MYZAP: variants seen among roughly 807,000 people sequenced by gnomAD.
MYZAP encodes the protein myocardial zonula adherens protein, also known as GRINL1A complex locus upstream.
In MYZAP, 66 loss-of-function variants were observed where a neutral mutation model predicts 69.4. The observed-to-expected ratio is 0.95, with a 90% CI of 0.78 to 1.17. The LOEUF is 1.17. Among genes scored for constraint, MYZAP ranks in the 50% most tolerant of loss-of-function variants. The probability of loss-of-function intolerance (pLI) is 0.00; values close to 1 mark genes in which losing one functional copy is unlikely to be tolerated. For missense variants in MYZAP, 611 were observed against 556.2 expected, an observed-to-expected ratio of 1.10 and a Z score of -0.99; for synonymous variants, 256 against 205.9, an observed-to-expected ratio of 1.24 and a Z score of -2.09.
intron 11 of MYZAP, among the ~76,000 whole-genome samples, chr15:57,668,887 TATA>T (rs1320901348): frequency 0.017 from 2,185 of 129,808 alleles, 62 homozygotes; most frequent in African/African-American, 0.069. Context: ...TATATATATA[TATA>T]TATATTTTTT....
intron 11 of MYZAP, among the ~76,000 whole-genome samples, chr15:57,663,652 A>C (rs1414497541): frequency 2.0e-5 from 3 of 152,152 alleles, no homozygotes; most frequent in Non-Finnish European, 4.4e-5. Flanking sequence ...GGGTTGTGGC[A>C]GTTCTAGCCT....
At chr15:57,684,141 C>G (rs1204912708) in intron 12 of MYZAP, among the ~76,000 whole-genome samples, 1 of 152,084 alleles carries the variant, frequency 6.6e-6, no homozygotes, top group Non-Finnish European at 1.5e-5. Context: ...AGGGCTCCAC[C>G]CTCATGACCT....
chr15:57,652,399 G>A (rs1159843009), intron 10 of MYZAP, among the ~76,000 whole-genome samples: 2 of 152,042 alleles, frequency 1.3e-5, no homozygotes, highest in African/African-American at 4.8e-5. Context: ...AATAGGCTGA[G>A]CTTTTTTCTT....
At chr15:57,670,982 C>A (rs2038840599) in intron 11 of MYZAP, among the ~76,000 whole-genome samples, 1 of 151,964 alleles carries the variant, frequency 6.6e-6, no homozygotes. Flanking sequence ...TTTGCTTTAA[C>A]AATCATATGT....
chr15:57,639,506 G>A lies in MYZAP; in HGVS notation c.1080G>A (p.Val360=), dbSNP rs140924688. Residue 360 remains valine (V), a synonymous_variant, in exon 10 of 13, where the codon GTG becomes GTA. Transcript: ENST00000267853. ...GGATCAGACACCTAGATGACATGGT[G>A]CATTGCCAGCAGAAGAAAGTCAAGC... ...RERIRHLDDM[V]HCQQKKVKQM... 1,793 of 1,614,062 alleles carry A rather than the reference G, an allele frequency of 1.1e-3. 3 individuals carry two copies. The highest frequency in any genetic ancestry group is 4.0e-3 in the Middle Eastern group (24 of 6,056).
chr15:57,610,368 G>A (rs2035026077), intron 2 of MYZAP, among the ~76,000 whole-genome samples: 1 of 152,180 alleles, frequency 6.6e-6, no homozygotes, highest in South Asian at 2.1e-4. Flanking sequence ...CTCGTCCTTG[G>A]CGTGACTGTT....
chr15:57,611,423 G>C (rs1243182187), intron 2 of MYZAP, among the ~76,000 whole-genome samples: 1 of 152,156 alleles, frequency 6.6e-6, no homozygotes, highest in Non-Finnish European at 1.5e-5. Flanking sequence ...CAGAAAAGCA[G>C]TTCCTGATTT....
intron 2 of MYZAP, among the ~76,000 whole-genome samples, chr15:57,615,100 G>A (rs2140370035): frequency 6.6e-6 from 1 of 152,212 alleles, no homozygotes; most frequent in East Asian, 1.9e-4. Flanking sequence ...CTTCCTGGGG[G>A]CGTTTTATTT....
At chr15:57,611,884 C>T (rs1457204055) in intron 2 of MYZAP, among the ~76,000 whole-genome samples, 1 of 152,124 alleles carries the variant, frequency 6.6e-6, no homozygotes, top group Non-Finnish European at 1.5e-5. Flanking sequence ...GGACTACAGG[C>T]ATACACCACT....
chr15:57,682,237 A>G (rs946712733), intron 12 of MYZAP, among the ~76,000 whole-genome samples: 1 of 152,050 alleles, frequency 6.6e-6, no homozygotes, highest in Admixed American at 6.5e-5. Context: ...AAAAGGGAAG[A>G]GAGAGAGAGA....
intron 2 of MYZAP, among the ~76,000 whole-genome samples, chr15:57,610,580 A>C (rs1236657757): frequency 6.6e-6 from 1 of 152,212 alleles, no homozygotes; most frequent in Non-Finnish European, 1.5e-5. Flanking sequence ...TGGGCCAGTC[A>C]GGTCATCTCT....
chr15:57,650,641 A>G (rs544220325), intron 10 of MYZAP, among the ~76,000 whole-genome samples: 12 of 152,308 alleles, frequency 7.9e-5, no homozygotes, highest in African/African-American at 2.9e-4. Flanking sequence ...CTCAAGTGGT[A>G]GTTATGAGGA....
chr15:57,636,952 C>G (rs1444574033), intron 8 of MYZAP, among the ~76,000 whole-genome samples: 2 of 152,148 alleles, frequency 1.3e-5, no homozygotes, highest in Non-Finnish European at 2.9e-5. Context: ...TTTGGAAGCT[C>G]TAGAAGGGAA....
At chr15:57,621,774 CTAAAGATAT>C in intron 4 of MYZAP, 74 bp downstream of exon 4, 1 of 1,400,308 alleles carries the variant, frequency 7.1e-7, no homozygotes, top group Non-Finnish European at 1.0e-6. Context: ...TGGCTAGTGC[CTAAAGATAT>C]TAGAGTATCT....
At chr15:57,655,682 T>C (rs1161395564) in intron 10 of MYZAP, among the ~76,000 whole-genome samples, 1 of 152,188 alleles carries the variant, frequency 6.6e-6, no homozygotes, top group Non-Finnish European at 1.5e-5. Context: ...TGGCCTGTAT[T>C]CTAAGAGACT....
chr15:57,592,076 C>T lies in MYZAP; in HGVS notation c.42C>T (p.Gly14=). Residue 14 remains glycine (G), a synonymous_variant, in exon 1 of 13, where the codon GGC becomes GGT. Coordinates refer to ENST00000267853, the MANE Select transcript of MYZAP (RefSeq NM_001018100.5). Reference sequence around the variant, plus strand: ...CCACGGTCACCCTGCTCTCGGGCGGCGCCGCCAGGACGCCCGGGGCGCCCA... The same window carrying T: ...CCACGGTCACCCTGCTCTCGGGCGGTGCCGCCAGGACGCCCGGGGCGCCCA... ...STSTVTLLSG[G]AARTPGAPSR... The T allele has an allele frequency of 7.2e-7, 1 of 1,385,116 alleles. No homozygotes were observed. The highest frequency in any genetic ancestry group is 9.3e-7 in the Non-Finnish European group (1 of 1,073,482). 85.8% of individuals were successfully genotyped at this position (1,385,116 alleles called of 1,614,324 possible).
intron 11 of MYZAP, among the ~76,000 whole-genome samples, chr15:57,668,097 A>T (rs1444210686): frequency 6.6e-6 from 1 of 152,174 alleles, no homozygotes; most frequent in Non-Finnish European, 1.5e-5. Context: ...CAGCATAATG[A>T]TTTGAGGCGC....
chr15:57,595,218 A>C (rs1232538004), intron 1 of MYZAP, among the ~76,000 whole-genome samples: 1 of 152,224 alleles, frequency 6.6e-6, no homozygotes, highest in African/African-American at 2.4e-5. Flanking sequence ...AGGTGGAGAG[A>C]GTAATTTCTG....
chr15:57,607,921 C>A (rs1313575188), intron 2 of MYZAP, among the ~76,000 whole-genome samples: 1 of 152,154 alleles, frequency 6.6e-6, no homozygotes, highest in Non-Finnish European at 1.5e-5. Context: ...TCTGTAGGGG[C>A]CACTTCCTTG....
Sources: allele counts gnomAD v4.1 joint callset (sites outside exome capture counted in the v4.1 genomes callset), GRCh38; gene constraint gnomAD v4.1.1; transcripts MANE v1.5; gene names NCBI Gene and HGNC (gene_info 2026-07-23, HGNC 2026-07-21).